Variants in DNAH9 observed in about 807,000 individuals in gnomAD.
The protein encoded by DNAH9 is dynein axonemal heavy chain 9.
DNAH9 carries 345 observed loss-of-function variants against 471.6 expected under a neutral mutation model. That is an observed-to-expected ratio of 0.73 (90% CI 0.67 to 0.80). The LOEUF is 0.80. Among genes scored for constraint, DNAH9 ranks in the 30% least tolerant of loss-of-function variants. The pLI, the probability that DNAH9 is intolerant of heterozygous loss-of-function variation, is 0.00. For missense variants in DNAH9, 5,407 were observed against 5,609.2 expected (o/e 0.96, Z 1.15); for synonymous variants, 2,093 against 2,123.6 (o/e 0.99, Z 0.40).
chr17:11,818,778 C>T (rs963125043), intron 45 of DNAH9, among the ~76,000 whole-genome samples: 3 of 151,948 alleles, frequency 2.0e-5, no homozygotes, highest in African/African-American at 4.8e-5. Context: ...TATAGTGTTT[C>T]GTTCATTCTT....
chr17:11,670,607 G>A (rs974922150), intron 17 of DNAH9, among the ~76,000 whole-genome samples: 5 of 152,134 alleles, frequency 3.3e-5, no homozygotes, highest in African/African-American at 1.2e-4. Flanking sequence ...AAAGAAAATG[G>A]TAACATTGAG....
intron 18 of DNAH9, 144 bp from the exon 19 acceptor site, chr17:11,680,579 T>G: frequency 4.7e-6 from 3 of 643,608 alleles, no homozygotes; most frequent in Non-Finnish European, 5.3e-6. Flanking sequence ...GGAGGGCAGA[T>G]TGTAGGGAAT....
At chr17:11,749,074 G>GTTTTTTTTTTGTTTTTTTT (rs1567772305) in intron 32 of DNAH9, among the ~76,000 whole-genome samples, 1 of 49,104 alleles carries the variant, frequency 2.0e-5, no homozygotes, top group Non-Finnish European at 4.2e-5. Context: ...GTTTTTTTTT[G>GTTTTTTTTTTGTTTTTTTT]TTTTTTTTTT....
In DNAH9 at chr17:11,806,887, C is replaced by T. The variant is rs535105231; in HGVS notation, c.8421-845C>T. On this transcript the variant is annotated intron_variant, in intron 43 of 68. Transcript: ENST00000262442. ...TGTAGCACCTTGCATAAGGTATATG[C>T]ATACTGCTGAGAGGGGTTAGACATA... Among the ~76,000 whole-genome samples, 30 of 152,176 alleles carry T rather than the reference C, an allele frequency of 2.0e-4. No individual in the cohort carries two copies. The South Asian group carries it at 6.0e-3, about 31-fold the overall frequency.
intron 28 of DNAH9, among the ~76,000 whole-genome samples, chr17:11,738,202 C>G (rs2075378604): frequency 6.6e-6 from 1 of 152,270 alleles, no homozygotes; most frequent in South Asian, 2.1e-4. Context: ...CATGGTGAAG[C>G]TCAAATGAGT....
At chr17:11,930,462 T>A (rs1974471093) in intron 63 of DNAH9, among the ~76,000 whole-genome samples, 1 of 152,110 alleles carries the variant, frequency 6.6e-6, no homozygotes, top group Admixed American at 6.5e-5. Flanking sequence ...ATACTGTCAA[T>A]CAGATGATAT....
At chr17:11,688,147 T>C (rs2074272819) in intron 19 of DNAH9, among the ~76,000 whole-genome samples, 1 of 149,660 alleles carries the variant, frequency 6.7e-6, no homozygotes, top group South Asian at 2.1e-4. Context: ...TAGGGTCTTA[T>C]GTTGGGGAAA....
At chr17:11,684,643 A>G (rs2074204727) in intron 19 of DNAH9, among the ~76,000 whole-genome samples, 1 of 152,226 alleles carries the variant, frequency 6.6e-6, no homozygotes. Context: ...TTACTGAGCC[A>G]AAATAATCTA....
At chr17:11,849,144 G>A (rs1971325313) in intron 49 of DNAH9, among the ~76,000 whole-genome samples, 1 of 152,014 alleles carries the variant, frequency 6.6e-6, no homozygotes, top group African/African-American at 2.4e-5. Context: ...CCACCTCTTT[G>A]TAAAAGTATT....
In DNAH9 at chr17:11,689,688, A is replaced by C; in HGVS notation, c.3866A>C (p.Tyr1289Ser). The C allele has an allele frequency of 6.2e-7, 1 of 1,614,194 alleles. No individual in the cohort carries two copies. Among genetic ancestry groups the C allele is most frequent in the Non-Finnish European group, 8.5e-7 (1 of 1,180,032 alleles). ...ASLFEVNVPD[Y>S]KQLRQCRKEV... ...TTATTTGAAGTCAATGTCCCTGACT[A>C]TAAGCAGCTGAGGCAGTGCAGGAAG... The change falls in exon 20 of 69, where the codon TAT becomes TCT. Residue 1289 changes from tyrosine (Y) to serine (S), a missense_variant. This residue lies in a region of DNAH9 where 4,636 missense variants were observed against 4,900.3 expected (regional missense o/e 0.95). Coordinates refer to ENST00000262442, the MANE Select transcript of DNAH9 (RefSeq NM_001372.4).
At chr17:11,964,809 G>A (rs958264704) in intron 68 of DNAH9, among the ~76,000 whole-genome samples, 10 of 152,074 alleles carry the variant, frequency 6.6e-5, no homozygotes, top group Non-Finnish European at 1.0e-4. Context: ...GAAACCACTG[G>A]AAGGGGCAAA....
intron 63 of DNAH9, 109 bp from the exon 64 acceptor site, chr17:11,931,905 G>A: frequency 7.6e-7 from 1 of 1,315,774 alleles, no homozygotes; most frequent in South Asian, 1.4e-5. Flanking sequence ...ACCCAAACCA[G>A]AATATATGGT....
intron 53 of DNAH9, among the ~76,000 whole-genome samples, chr17:11,876,431 G>A (rs1042406478): frequency 1.3e-5 from 2 of 151,746 alleles, no homozygotes; most frequent in African/African-American, 2.4e-5. Flanking sequence ...AGTAAAAAAT[G>A]TTTTCAAAGA....
chr17:11,825,194 A>G (rs1970447856), intron 48 of DNAH9, among the ~76,000 whole-genome samples: 1 of 152,064 alleles, frequency 6.6e-6, no homozygotes, highest in Non-Finnish European at 1.5e-5. Flanking sequence ...GAAAGGTAAC[A>G]TCTTTTCTCC....
chr17:11,945,967 G>A (rs1975103593), intron 67 of DNAH9, among the ~76,000 whole-genome samples: 1 of 152,112 alleles, frequency 6.6e-6, no homozygotes. Context: ...GGGAGGCCGA[G>A]GTGGGCGGAT....
chr17:11,651,796 C>T (rs1383884261), intron 13 of DNAH9, among the ~76,000 whole-genome samples: 1 of 152,118 alleles, frequency 6.6e-6, no homozygotes, highest in Non-Finnish European at 1.5e-5. Flanking sequence ...GACATGGTCT[C>T]TACCCTCAAA....
intron 53 of DNAH9, among the ~76,000 whole-genome samples, chr17:11,877,702 T>C (rs1972558836): frequency 6.6e-6 from 1 of 152,128 alleles, no homozygotes; most frequent in Admixed American, 6.6e-5. Flanking sequence ...AAGTCAAACA[T>C]TAAATATTAT....
Position 11,704,267 on chromosome 17 carries a change from A to C in DNAH9, c.5216A>C (p.Glu1739Ala). Residue 1739 changes from glutamate to alanine, a missense_variant, in exon 25 of 69, where the codon GAG (glutamate) becomes GCG (alanine). This residue lies in a region of DNAH9 where 4,636 missense variants were observed against 4,900.3 expected (regional missense o/e 0.95). Coordinates refer to ENST00000262442, the MANE Select transcript of DNAH9 (RefSeq NM_001372.4). ...TEVGMAFARLEEGYESAMKDY... is the reference protein window; with the variant it reads ...TEVGMAFARLAEGYESAMKDY... Reference sequence around the variant, plus strand: ...GTGGGCATGGCATTTGCCAGGCTGGAGGAAGGCTATGAGAGTGCCATGAAG... The same window carrying C: ...GTGGGCATGGCATTTGCCAGGCTGGCGGAAGGCTATGAGAGTGCCATGAAG... 6.2e-7 allele frequency: 1 copy of C among 1,614,216 alleles called. No homozygotes were observed. Among genetic ancestry groups the C allele is most frequent in the Non-Finnish European group, 8.5e-7 (1 of 1,180,030 alleles).
rs540971062 is a variant in DNAH9, at chr17:11,942,646, G to A, written c.12843+161G>A. Among the ~76,000 whole-genome samples the A allele has an allele frequency of 1.6e-3, 246 of 152,288 alleles. 2 individuals are homozygous for A. The highest frequency in any genetic ancestry group is 5.4e-3 in the African/African-American group (223 of 41,570). On this transcript the variant is annotated intron_variant, in intron 67 of 68. Transcript: ENST00000262442. ...ATCACTCCCCAGAAACCACAGCCTG[G>A]CCATGAGGTTGTCTACAAGAACCAA...
Sources: allele counts gnomAD v4.1 joint callset (sites outside exome capture counted in the v4.1 genomes callset), GRCh38; gene constraint gnomAD v4.1.1; regional missense constraint gnomAD v4.1.1; transcripts MANE v1.5; gene names NCBI Gene and HGNC (gene_info 2026-07-23, HGNC 2026-07-21).